Variants in GALNT17 observed in about 807,000 individuals in gnomAD.
GALNT17 encodes UDP-GalNAc:polypeptide N-acetylgalactosaminyltransferase-like 3.
A neutral mutation model predicts 63.7 loss-of-function variants in GALNT17; 29 were observed. That is an observed-to-expected ratio of 0.46 (90% CI 0.34 to 0.62). The LOEUF (loss-of-function observed/expected upper bound fraction) is 0.62, where lower values mean the gene tolerates loss of function less well. GALNT17 is among the 20% of genes least tolerant of loss of function. The pLI, the probability that GALNT17 is intolerant of heterozygous loss-of-function variation, is 0.01. For synonymous variants in GALNT17, 305 were observed against 318.3 expected (o/e 0.96, Z 0.45); for missense variants, 603 against 799.6 (o/e 0.75, Z 2.97).
At chr7:71,257,311 C>T (rs1475502909) in intron 1 of GALNT17, among the ~76,000 whole-genome samples, 1 of 152,262 alleles carries the variant, frequency 6.6e-6, no homozygotes, top group Middle Eastern at 3.4e-3. Context: ...GGAACAGATT[C>T]ATGCTTCCTA....
At chr7:71,438,096 T>C (rs979453789) in intron 5 of GALNT17, among the ~76,000 whole-genome samples, 1 of 152,166 alleles carries the variant, frequency 6.6e-6, no homozygotes, top group Admixed American at 6.5e-5. Context: ...ATTTGGACTA[T>C]GTGATATTAG....
At chr7:71,281,279 G>T (rs538342535) in intron 1 of GALNT17, among the ~76,000 whole-genome samples, 1 of 152,330 alleles carries the variant, frequency 6.6e-6, no homozygotes, top group East Asian at 1.9e-4. Context: ...AGGTGAGGTG[G>T]TAGGATCACT....
intron 2 of GALNT17, among the ~76,000 whole-genome samples, chr7:71,359,492 C>G (rs1396099042): frequency 1.3e-5 from 2 of 152,196 alleles, no homozygotes; most frequent in Admixed American, 6.5e-5. Context: ...ATGACCCAAA[C>G]ACCTTCCAGT....
At chr7:71,156,707 T>C (rs886604681) in intron 1 of GALNT17, among the ~76,000 whole-genome samples, 3 of 138,170 alleles carry the variant, frequency 2.2e-5, no homozygotes, top group Non-Finnish European at 4.7e-5. Flanking sequence ...TCTCTCTGTC[T>C]CTCTCTCTCT....
chr7:71,264,598 T>C (rs1266027863), intron 1 of GALNT17, among the ~76,000 whole-genome samples: 3 of 152,158 alleles, frequency 2.0e-5, no homozygotes, highest in Non-Finnish European at 4.4e-5. Flanking sequence ...AACAGAGGAA[T>C]GGATAAAGAA....
intron 1 of GALNT17, among the ~76,000 whole-genome samples, chr7:71,295,120 A>G (rs138683468): frequency 1.5e-4 from 23 of 152,158 alleles, no homozygotes; most frequent in Middle Eastern, 3.4e-3. Context: ...TACACTTTCT[A>G]TATGGTAATT....
intron 6 of GALNT17, among the ~76,000 whole-genome samples, chr7:71,596,996 T>G (rs1411037398): frequency 6.6e-6 from 1 of 152,024 alleles, no homozygotes; most frequent in Non-Finnish European, 1.5e-5. Context: ...GAGACCAGCC[T>G]GGGCAACATA....
At chr7:71,388,131 A>G (rs1432328775) in intron 2 of GALNT17, 104 bp from the exon 3 acceptor site, 30 of 1,261,192 alleles carry the variant, frequency 2.4e-5, no homozygotes. Context: ...ACGCCTTGGG[A>G]CGACTGGATG....
intron 5 of GALNT17, among the ~76,000 whole-genome samples, chr7:71,452,486 G>C (rs1787281814): frequency 6.6e-6 from 1 of 151,806 alleles, no homozygotes; most frequent in African/African-American, 2.4e-5. Context: ...GGCGGAGGTT[G>C]CAGTGAGTCA....
chr7:71,431,250 C>A (rs1427725979), intron 5 of GALNT17, among the ~76,000 whole-genome samples: 1 of 130,110 alleles, frequency 7.7e-6, no homozygotes, highest in South Asian at 2.5e-4. Flanking sequence ...CTTGCCCTGT[C>A]ACCCAGGCTG....
chr7:71,417,653 T>C (rs542568300), intron 4 of GALNT17, among the ~76,000 whole-genome samples: 2 of 152,304 alleles, frequency 1.3e-5, no homozygotes, highest in East Asian at 3.9e-4. Flanking sequence ...CTCTGATGCA[T>C]GCTACAGTTT....
At chr7:71,342,848 T>A (rs961481326) in intron 2 of GALNT17, among the ~76,000 whole-genome samples, 2 of 152,240 alleles carry the variant, frequency 1.3e-5, no homozygotes, top group Non-Finnish European at 2.9e-5. Flanking sequence ...CTGTGTATGT[T>A]TTATTTTAAC....
chr7:71,711,298 C>T (rs928613344), intron 10 of GALNT17, among the ~76,000 whole-genome samples: 4 of 151,810 alleles, frequency 2.6e-5, no homozygotes, highest in Admixed American at 2.6e-4. Context: ...ATCCCCCACC[C>T]CCCACCAACG....
chr7:71,573,525 G>T (rs1435407813), intron 6 of GALNT17, among the ~76,000 whole-genome samples: 1 of 151,676 alleles, frequency 6.6e-6, no homozygotes, highest in Non-Finnish European at 1.5e-5. Context: ...TAGTAGAAAT[G>T]GGATTTCACT....
At chr7:71,382,919 A>C (rs558200895) in intron 2 of GALNT17, among the ~76,000 whole-genome samples, 1 of 152,116 alleles carries the variant, frequency 6.6e-6, no homozygotes, top group Non-Finnish European at 1.5e-5. Flanking sequence ...GCACGTTTAC[A>C]TTGTCATGTA....
chr7:71,638,384 T>TA (rs1205963866), intron 6 of GALNT17, among the ~76,000 whole-genome samples: 1 of 152,162 alleles, frequency 6.6e-6, no homozygotes, highest in African/African-American at 2.4e-5. Flanking sequence ...AGCTTTATCT[T>TA]ACCCATCCCC....
chr7:71,166,270 C>T (rs1282466687), intron 1 of GALNT17, among the ~76,000 whole-genome samples: 1 of 152,150 alleles, frequency 6.6e-6, no homozygotes, highest in African/African-American at 2.4e-5. Flanking sequence ...GGAGAAAATG[C>T]CTATCAGATT....
intron 6 of GALNT17, among the ~76,000 whole-genome samples, chr7:71,631,220 A>C (rs1790448784): frequency 6.6e-6 from 1 of 151,126 alleles, no homozygotes; most frequent in Admixed American, 6.6e-5. Context: ...TTCTTGAGAC[A>C]ATTGCCCTGT....
intron 1 of GALNT17, among the ~76,000 whole-genome samples, chr7:71,325,620 A>G (rs1406395063): frequency 6.6e-6 from 1 of 152,240 alleles, no homozygotes; most frequent in African/African-American, 2.4e-5. Context: ...AAGGCAGCTC[A>G]GAGTCAATTT....
Sources: gnomAD v4.1 joint callset for allele counts (sites outside exome capture counted in the v4.1 genomes callset) on GRCh38, gnomAD v4.1.1 for gene constraint, MANE v1.5 for transcripts, NCBI Gene and HGNC (gene_info 2026-07-23, HGNC 2026-07-21) for gene names.